Variants in GNG12 observed in about 807,000 individuals in gnomAD.
GNG12 encodes the protein G protein subunit gamma 12.
For synonymous variants in GNG12, 28 were observed against 29.7 expected (o/e 0.94, Z 0.19); for missense variants, 69 against 83.8 (o/e 0.82, Z 0.69).
chr1:67,729,576 A>G lies in GNG12; in HGVS notation c.-26-21864T>C, dbSNP rs968281958. On this transcript the variant is annotated intron_variant, in intron 2 of 3. Coordinates refer to ENST00000370982, the MANE Select transcript of GNG12 (RefSeq NM_018841.6). ...AACCTTTCACTCAGGCCCTCCCTTG[A>G]TATGTGTTGGGAGATGATGGCAATG... Among the ~76,000 whole-genome samples, 7 of 152,012 alleles carry G rather than the reference A, an allele frequency of 4.6e-5. No homozygotes were observed. The East Asian group carries it at 1.4e-3, about 29-fold the overall frequency.
At chr1:67,717,234 G>A (rs765765809) in intron 2 of GNG12, among the ~76,000 whole-genome samples, 5 of 152,002 alleles carry the variant, frequency 3.3e-5, no homozygotes, top group Non-Finnish European at 5.9e-5. Context: ...GACACTACTC[G>A]GCCGGGTATG....
chr1:67,785,896 G>C (rs188427911), intron 1 of GNG12, among the ~76,000 whole-genome samples: 2 of 152,188 alleles, frequency 1.3e-5, no homozygotes, highest in East Asian at 3.9e-4. Context: ...TGCAAATTCA[G>C]ATAAAACTTA....
At position 67,777,727 on chromosome 1, in the gene GNG12, A is replaced by C. The variant is rs574763222; in HGVS notation, c.-76-220T>G. The stretch of plus-strand genomic sequence containing the variant: ...TCTCATCTACTTTGGGGAGTGTTCA[A>C]AGTCTGAGGCCAGCGTAACTATAAA... On this transcript the variant is annotated intron_variant, in intron 1 of 3. Coordinates refer to ENST00000370982, the MANE Select transcript of GNG12 (RefSeq NM_018841.6). Among the ~76,000 whole-genome samples the C allele has an allele frequency of 3.8e-3, 585 of 152,292 alleles. 4 individuals carry two copies. The highest frequency in any genetic ancestry group is 0.013 in the African/African-American group (556 of 41,570).
intron 1 of GNG12, among the ~76,000 whole-genome samples, chr1:67,822,569 A>G (rs1437752969): frequency 6.6e-6 from 1 of 152,228 alleles, no homozygotes; most frequent in African/African-American, 2.4e-5. Flanking sequence ...AACCTTCATA[A>G]AAGTCAGAAT....
At chr1:67,763,082 C>T (rs1243700195) in intron 2 of GNG12, among the ~76,000 whole-genome samples, 2 of 30,492 alleles carry the variant, frequency 6.6e-5, no homozygotes, top group South Asian at 1.3e-3. Flanking sequence ...TAACACCCTA[C>T]CCTCCCAGGA....
At chr1:67,780,763 C>T (rs570305482) in intron 1 of GNG12, among the ~76,000 whole-genome samples, 42 of 152,218 alleles carry the variant, frequency 2.8e-4, no homozygotes, top group Admixed American at 2.6e-4. Flanking sequence ...AGAAGCAACT[C>T]GGAGCAACTC....
intron 1 of GNG12, among the ~76,000 whole-genome samples, chr1:67,825,287 T>C (rs1265543429): frequency 6.6e-6 from 1 of 152,224 alleles, no homozygotes; most frequent in African/African-American, 2.4e-5. Context: ...AGGTTAAATG[T>C]GAAAGGCATT....
At chr1:67,789,621 A>G (rs562269750) in intron 1 of GNG12, among the ~76,000 whole-genome samples, 1 of 152,274 alleles carries the variant, frequency 6.6e-6, no homozygotes, top group Admixed American at 6.5e-5. Context: ...TTTGCATCAG[A>G]CATAGATAGA....
chr1:67,724,696 T>C (rs905122357), intron 2 of GNG12, among the ~76,000 whole-genome samples: 3 of 152,184 alleles, frequency 2.0e-5, no homozygotes, highest in African/African-American at 7.2e-5. Context: ...GGCCCAATTC[T>C]ATTCATATAA....
intron 2 of GNG12, among the ~76,000 whole-genome samples, chr1:67,750,029 T>C (rs913711603): frequency 6.6e-6 from 1 of 152,130 alleles, no homozygotes. Context: ...GCTTCAGAAC[T>C]GAAACTCTGG....
intron 2 of GNG12, among the ~76,000 whole-genome samples, chr1:67,770,860 G>A (rs941309304): frequency 2.0e-5 from 3 of 152,334 alleles, no homozygotes; most frequent in South Asian, 4.1e-4. Context: ...CACTGGAGGG[G>A]GAAGTGGCCC....
At chr1:67,714,985 C>A (rs148139962) in intron 2 of GNG12, among the ~76,000 whole-genome samples, 1,750 of 152,218 alleles carry the variant, frequency 0.011, 36 homozygotes, top group African/African-American at 0.04. Flanking sequence ...TGCAGTGGCG[C>A]GATCTCGGCT....
chr1:67,831,686 A>G (rs1647046055), intron 1 of GNG12, among the ~76,000 whole-genome samples: 1 of 152,200 alleles, frequency 6.6e-6, no homozygotes, highest in Non-Finnish European at 1.5e-5. Flanking sequence ...TCCTTTTATC[A>G]CTTAAGACTC....
In GNG12 at chr1:67,703,505, T is replaced by TAA. The variant is rs977708871; in HGVS notation, c.*1944_*1945dup. The TAA allele has an allele frequency of 1.3e-5, 2 of 152,054 alleles. No homozygotes were observed. Among genetic ancestry groups the TAA allele is most frequent in the South Asian group, 4.1e-4 (2 of 4,828 alleles). 9.4% of individuals were successfully genotyped at this position (152,054 alleles called of 1,614,324 possible). On this transcript the variant is annotated 3_prime_UTR_variant, in exon 4 of 4. Coordinates refer to ENST00000370982, the MANE Select transcript of GNG12 (RefSeq NM_018841.6). ...GAAACTGAGTAGAAAAATAGACTTA[T>TAA]AAAAAAAAGAATGTCTCATTAAGTG...
chr1:67,718,236 G>A (rs968878613), intron 2 of GNG12, among the ~76,000 whole-genome samples: 3 of 152,054 alleles, frequency 2.0e-5, no homozygotes, highest in African/African-American at 7.2e-5. Flanking sequence ...CCCTCAACCT[G>A]ACCACCACTG....
At chr1:67,799,297 G>A (rs1285697832) in intron 1 of GNG12, among the ~76,000 whole-genome samples, 2 of 152,136 alleles carry the variant, frequency 1.3e-5, no homozygotes, top group Non-Finnish European at 2.9e-5. Flanking sequence ...AGCAGAAACT[G>A]GGCCTTTTAA....
intron 1 of GNG12, among the ~76,000 whole-genome samples, chr1:67,829,442 A>G (rs1242261587): frequency 6.6e-6 from 1 of 152,238 alleles, no homozygotes; most frequent in Non-Finnish European, 1.5e-5. Context: ...AGGACTATTT[A>G]AATTACTGAG....
intron 1 of GNG12, among the ~76,000 whole-genome samples, chr1:67,788,719 A>G (rs1646783924): frequency 1.3e-5 from 2 of 152,202 alleles, no homozygotes; most frequent in Non-Finnish European, 1.5e-5. Context: ...ACACATTTTC[A>G]TGTATCTTTG....
At chr1:67,824,513 A>AG (rs1417899656) in intron 1 of GNG12, among the ~76,000 whole-genome samples, 20 of 151,054 alleles carry the variant, frequency 1.3e-4, no homozygotes, top group Admixed American at 1.3e-3. Flanking sequence ...CTGTCTCAAA[A>AG]AAAAAAAAAA....
Sources: allele counts gnomAD v4.1 joint callset (sites outside exome capture counted in the v4.1 genomes callset), GRCh38; gene constraint gnomAD v4.1.1; transcripts MANE v1.5; gene names NCBI Gene and HGNC (gene_info 2026-07-23, HGNC 2026-07-21).